BTBD10: variants seen among roughly 807,000 people sequenced by gnomAD.
The protein encoded by BTBD10 is BTB domain containing 10.
Under a neutral mutation model 53.2 loss-of-function variants are expected in BTBD10, and 21 were observed. That is an observed-to-expected ratio of 0.39 (90% confidence interval 0.28 to 0.57). The LOEUF is 0.57. BTBD10 is among the 20% of genes least tolerant of loss of function. The probability of loss-of-function intolerance (pLI) is 0.53; values close to 1 mark genes in which losing one functional copy is unlikely to be tolerated. For synonymous variants in BTBD10, 149 were observed against 192.7 expected (o/e 0.77, Z 1.88); for missense variants, 360 against 594.7 (o/e 0.61, Z 4.10).
At chr11:13,413,897 G>T (rs1300874679) in intron 5 of BTBD10, among the ~76,000 whole-genome samples, 1 of 152,088 alleles carries the variant, frequency 6.6e-6, no homozygotes, top group Non-Finnish European at 1.5e-5. Context: ...AAAAGCAAAG[G>T]TAAGATTTGA....
chr11:13,430,177 T>G (rs576465259), intron 2 of BTBD10, among the ~76,000 whole-genome samples: 8 of 152,134 alleles, frequency 5.3e-5, no homozygotes, highest in Non-Finnish European at 1.0e-4. Flanking sequence ...TTGCAAATCA[T>G]GTATCTGATA....
chr11:13,443,031 T>C (rs1950688226), intron 2 of BTBD10, among the ~76,000 whole-genome samples: 1 of 152,128 alleles, frequency 6.6e-6, no homozygotes, highest in Admixed American at 6.6e-5. Flanking sequence ...TTATTTTCTA[T>C]TTTACTTTAA....
At chr11:13,418,234 A>G (rs892215411) in intron 4 of BTBD10, among the ~76,000 whole-genome samples, 1 of 152,052 alleles carries the variant, frequency 6.6e-6, no homozygotes, top group Non-Finnish European at 1.5e-5. Flanking sequence ...ATTAATTTTC[A>G]TCCCCAAAGA....
intron 2 of BTBD10, among the ~76,000 whole-genome samples, chr11:13,426,593 T>C (rs1950343585): frequency 6.6e-6 from 1 of 152,090 alleles, no homozygotes. Context: ...GAAATGCAAG[T>C]ATACTTTTGT....
chr11:13,399,124 T>A (rs953727767), intron 8 of BTBD10, among the ~76,000 whole-genome samples: 2 of 152,256 alleles, frequency 1.3e-5, no homozygotes, highest in South Asian at 2.1e-4. Context: ...TTCTCCTGGA[T>A]AATATCCTGC....
At chr11:13,420,219 T>C (rs568140392) in intron 3 of BTBD10, among the ~76,000 whole-genome samples, 1 of 152,182 alleles carries the variant, frequency 6.6e-6, no homozygotes, top group Admixed American at 6.5e-5. Flanking sequence ...CTCACTACGT[T>C]AATAAGGGCA....
At chr11:13,400,403 G>A (rs541654301) in intron 8 of BTBD10, among the ~76,000 whole-genome samples, 154 of 152,348 alleles carry the variant, frequency 1.0e-3, no homozygotes, top group African/African-American at 3.5e-3. Context: ...GAAAAGTGCA[G>A]TATTAGGGTG....
intron 2 of BTBD10, among the ~76,000 whole-genome samples, chr11:13,426,324 C>T (rs1263379716): frequency 6.6e-6 from 1 of 151,814 alleles, no homozygotes; most frequent in Non-Finnish European, 1.5e-5. Flanking sequence ...AAAAAAGACA[C>T]ATGAATTCAT....
At chr11:13,437,970 C>G (rs1027516833) in intron 2 of BTBD10, among the ~76,000 whole-genome samples, 26 of 152,022 alleles carry the variant, frequency 1.7e-4, no homozygotes, top group African/African-American at 6.3e-4. Flanking sequence ...GAATTCTTTA[C>G]CTCTATACTC....
intron 1 of BTBD10, among the ~76,000 whole-genome samples, chr11:13,450,336 G>A (rs1330587902): frequency 3.3e-5 from 5 of 152,104 alleles, no homozygotes; most frequent in Non-Finnish European, 5.9e-5. Flanking sequence ...ACTTGATACT[G>A]GCAGACAAAA....
At chr11:13,441,153 T>C (rs1346191642) in intron 2 of BTBD10, among the ~76,000 whole-genome samples, 1 of 152,096 alleles carries the variant, frequency 6.6e-6, no homozygotes, top group African/African-American at 2.4e-5. Context: ...TTTAAACAAA[T>C]TCAATCATAT....
intron 6 of BTBD10, among the ~76,000 whole-genome samples, chr11:13,410,527 G>A (rs1369747849): frequency 6.6e-6 from 1 of 152,030 alleles, no homozygotes; most frequent in African/African-American, 2.4e-5. Context: ...TGAGCCCCAC[G>A]TCCAGGGAAA....
intron 6 of BTBD10, among the ~76,000 whole-genome samples, chr11:13,406,996 T>C (rs1453253711): frequency 6.6e-6 from 1 of 152,144 alleles, no homozygotes; most frequent in East Asian, 1.9e-4. Context: ...ACTACAAAAA[T>C]GTCTTGCTAT....
At chr11:13,429,990 C>T (rs1412616994) in intron 2 of BTBD10, among the ~76,000 whole-genome samples, 9 of 152,024 alleles carry the variant, frequency 5.9e-5, no homozygotes, top group East Asian at 1.9e-4. Flanking sequence ...TCTGTGGTTC[C>T]GGCTACTTGA....
intron 8 of BTBD10, among the ~76,000 whole-genome samples, chr11:13,389,457 C>G (rs569736951): frequency 6.8e-6 from 1 of 147,636 alleles, no homozygotes; most frequent in East Asian, 2.0e-4. Flanking sequence ...GACATGGAGT[C>G]TCACTTTGTC....
intron 5 of BTBD10, among the ~76,000 whole-genome samples, chr11:13,414,188 G>T (rs1950035298): frequency 6.6e-6 from 1 of 152,100 alleles, no homozygotes; most frequent in African/African-American, 2.4e-5. Flanking sequence ...ACCCTTTGGT[G>T]ATTCCATATT....
chr11:13,393,436 G>A (rs1949458122), intron 8 of BTBD10, among the ~76,000 whole-genome samples: 1 of 152,126 alleles, frequency 6.6e-6, no homozygotes, highest in Non-Finnish European at 1.5e-5. Context: ...TAGAAATGGT[G>A]GGGGAGGATA....
intron 5 of BTBD10, among the ~76,000 whole-genome samples, chr11:13,414,287 G>A (rs570096470): frequency 6.6e-6 from 1 of 152,278 alleles, no homozygotes; most frequent in East Asian, 1.9e-4. Flanking sequence ...CTTCAGAGAT[G>A]AGTGATAAAA....
At chr11:13,402,729 T>C (rs771621003) in intron 8 of BTBD10, among the ~76,000 whole-genome samples, 35 of 152,236 alleles carry the variant, frequency 2.3e-4, no homozygotes, top group Non-Finnish European at 3.4e-4. Flanking sequence ...GCTATTATCA[T>C]ACTTTAAGAC....
Sources: gnomAD v4.1 joint callset for allele counts (sites outside exome capture counted in the v4.1 genomes callset) on GRCh38, gnomAD v4.1.1 for gene constraint, MANE v1.5 for transcripts, NCBI Gene and HGNC (gene_info 2026-07-23, HGNC 2026-07-21) for gene names.